RPH3A: variants seen among roughly 807,000 people sequenced by gnomAD.
The protein encoded by RPH3A is rabphilin-3A.
A neutral mutation model predicts 102.2 loss-of-function variants in RPH3A; 48 were observed. The observed-to-expected ratio is 0.47, with a 90% CI of 0.37 to 0.60. The LOEUF (loss-of-function observed/expected upper bound fraction) is 0.60, where lower values mean the gene tolerates loss of function less well. Among genes scored for constraint, RPH3A ranks in the 20% least tolerant of loss-of-function variants. RPH3A has a pLI of 0.00. For missense variants in RPH3A, 781 were observed against 910.1 expected, an observed-to-expected ratio of 0.86 and a Z score of 1.83; for synonymous variants, 310 against 324.3, an observed-to-expected ratio of 0.96 and a Z score of 0.47.
intron 15 of RPH3A, 68 bp downstream of exon 15, chr12:112,881,914 G>A (rs2042921532): frequency 1.5e-6 from 2 of 1,294,972 alleles, no homozygotes; most frequent in South Asian, 1.3e-5. Flanking sequence ...AGGGTTCTCA[G>A]CTCAGAGCCC....
In RPH3A at chr12:112,713,051, C is replaced by CTTCTTCTT. The variant is rs1555204011; in HGVS notation, c.-139-79092_-139-79091insTTCTTCTT. ...TTCTTCTTCTTCTTCTTCTTCTTCT[C>CTTCTTCTT]CTTCTTCTTCTTCTTCTTCTTCTTC... On this transcript the variant is annotated intron_variant, in intron 1 of 21. Transcript: ENST00000543106. 6.3e-3 allele frequency among the ~76,000 whole-genome samples: 544 copies of CTTCTTCTT among 85,830 alleles called. 65 individuals are homozygous for CTTCTTCTT. The highest frequency in any genetic ancestry group is 0.061 in the East Asian group (180 of 2,966). 56.3% of individuals were successfully genotyped at this position (85,830 alleles called of 152,430 possible).
At position 112,628,976 on chromosome 12, in the gene RPH3A, T is replaced by A. The variant is rs138764347; in HGVS notation, c.-140+53657T>A. Reference sequence around the variant, plus strand: ...AGCAGTGGATCGTGTGTATCTTTGCTTGACCCAGTGGGAGAGAACCATTTG... The same window carrying A: ...AGCAGTGGATCGTGTGTATCTTTGCATGACCCAGTGGGAGAGAACCATTTG... On this transcript the variant is annotated intron_variant, in intron 1 of 21. Coordinates refer to the RPH3A transcript ENST00000543106. 1.2e-3 allele frequency among the ~76,000 whole-genome samples: 180 copies of A among 152,236 alleles called. 1 individual carries two copies. The highest frequency in any genetic ancestry group is 4.0e-3 in the African/African-American group (165 of 41,532).
chr12:112,679,697 A>T (rs2040213379), intron 1 of RPH3A, among the ~76,000 whole-genome samples: 1 of 152,182 alleles, frequency 6.6e-6, no homozygotes, highest in Non-Finnish European at 1.5e-5. Flanking sequence ...AAGTGCTAGG[A>T]TTACAGGCAT....
chr12:112,706,742 C>T (rs1207546838), intron 1 of RPH3A, among the ~76,000 whole-genome samples: 1 of 152,012 alleles, frequency 6.6e-6, no homozygotes, highest in Non-Finnish European at 1.5e-5. Flanking sequence ...ACTGAATGGC[C>T]CCAAATAATA....
At chr12:112,869,001 T>C (rs1031241532) in intron 8 of RPH3A, 6 of 163,168 alleles carry the variant, frequency 3.7e-5, no homozygotes, top group Non-Finnish European at 6.6e-5. Flanking sequence ...TTTGGACTAA[T>C]TAAAAGTGAA....
chr12:112,763,014 G>C (rs915939543), intron 1 of RPH3A, among the ~76,000 whole-genome samples: 1 of 152,200 alleles, frequency 6.6e-6, no homozygotes, highest in African/African-American at 2.4e-5. Context: ...GTACTGAGCA[G>C]ATAAAAACAA....
chr12:112,753,912 T>C (rs940652819), intron 1 of RPH3A, among the ~76,000 whole-genome samples: 1 of 152,138 alleles, frequency 6.6e-6, no homozygotes, highest in Non-Finnish European at 1.5e-5. Context: ...ATGATCTTTA[T>C]ACAGGAGAGG....
intron 1 of RPH3A, among the ~76,000 whole-genome samples, chr12:112,588,857 T>C (rs936905094): frequency 2.0e-5 from 3 of 152,076 alleles, no homozygotes; most frequent in African/African-American, 7.2e-5. Context: ...CAGTGTGACA[T>C]GTGGAGCAGC....
chr12:112,682,351 C>CTTTTTTTTT (rs1314037530), intron 1 of RPH3A, among the ~76,000 whole-genome samples: 5 of 77,678 alleles, frequency 6.4e-5, no homozygotes, highest in African/African-American at 2.3e-4. Context: ...TTTTTTCTTT[C>CTTTTTTTTT]TTTCTTTTTT....
At chr12:112,836,913 T>C (rs890795742) in intron 4 of RPH3A, among the ~76,000 whole-genome samples, 2 of 152,222 alleles carry the variant, frequency 1.3e-5, no homozygotes, top group African/African-American at 4.8e-5. Context: ...GGGCTCTGGA[T>C]TGTTATGTGC....
chr12:112,619,611 T>C lies in RPH3A; in HGVS notation c.-140+44292T>C, dbSNP rs1234610956. On this transcript the variant is annotated intron_variant, in intron 1 of 21. Coordinates refer to the RPH3A transcript ENST00000543106. ...TTCTATGTTAAATATTTTGAGAAAC[T>C]GTGAAATTATTTTTCAAAGCAACTG... Among the ~76,000 whole-genome samples, 3 of 152,248 alleles carry C rather than the reference T, an allele frequency of 2.0e-5. No individual in the cohort carries two copies. In the East Asian group the frequency reaches 5.8e-4, roughly 29 times the overall value.
rs1187981200 is a variant in RPH3A at position 112,887,916 on chromosome 12, T to G, written c.1556T>G (p.Val519Gly). 5.6e-6 allele frequency: 9 copies of G among 1,613,032 alleles called. No homozygotes were observed. The highest frequency in any genetic ancestry group is 1.7e-5 in the Admixed American group (1 of 59,974). Residue 519 changes from valine (V) to glycine (G), a missense_variant, in exon 17 of 22, where the codon GTG becomes GGG. By Grantham distance (109) the Val-to-Gly change is moderately radical. Transcript: ENST00000389385. ...AATTTCAACATCTGCCTGGAGCGAGTGATTCCTGTGAGTGACTTTACCCTG... is the reference window on the plus strand; with the variant it reads ...AATTTCAACATCTGCCTGGAGCGAGGGATTCCTGTGAGTGACTTTACCCTG... Reference protein sequence around the residue: ...RKNFNICLERVIPMKRAGTTG... With the variant: ...RKNFNICLERGIPMKRAGTTG...
intron 1 of RPH3A, among the ~76,000 whole-genome samples, chr12:112,601,146 C>A (rs1054443277): frequency 6.6e-6 from 1 of 152,138 alleles, no homozygotes; most frequent in Non-Finnish European, 1.5e-5. Context: ...GGACACAGAG[C>A]CAAATCGTAT....
Position 112,890,879 on chromosome 12 carries a change from C to A in RPH3A, c.1651C>A (p.Arg551Ser). ...QVERVGDIEE[R>S]GKILVSLMYS... Reference sequence around the variant, plus strand: ...GGAGCGTGTTGGTGACATCGAGGAGCGTGGCAAGATCCTGGTCTCCCTCAT... The same window carrying A: ...GGAGCGTGTTGGTGACATCGAGGAGAGTGGCAAGATCCTGGTCTCCCTCAT... Residue 551 changes from arginine (R) to serine (S), a missense_variant, in exon 19 of 22, where the codon CGT becomes AGT. By Grantham distance (110) the Arg-to-Ser change is moderately radical (BLOSUM62 -1). Transcript: ENST00000389385. 6.2e-7 allele frequency: 1 copy of A among 1,613,946 alleles called. No individual in the cohort carries two copies. Among genetic ancestry groups the A allele is most frequent in the Non-Finnish European group, 8.5e-7 (1 of 1,179,924 alleles).
chr12:112,896,884 C>A lies in RPH3A; in HGVS notation c.*104C>A. The A allele has an allele frequency of 1.6e-6, 2 of 1,281,964 alleles. No individual in the cohort carries two copies. The highest frequency in any genetic ancestry group is 1.1e-6 in the Non-Finnish European group (1 of 916,416). 79.4% of individuals were successfully genotyped at this position (1,281,964 alleles called of 1,614,324 possible). ...TTCTCTATGCCTACCTCCCCCCATACCCTGCTGATCTCCCTGAGCCTGCCT... is the reference window on the plus strand; with the variant it reads ...TTCTCTATGCCTACCTCCCCCCATAACCTGCTGATCTCCCTGAGCCTGCCT... On this transcript the variant is annotated 3_prime_UTR_variant, in exon 22 of 22. Coordinates refer to ENST00000389385, the MANE Select transcript of RPH3A (RefSeq NM_001143854.2).
At chr12:112,831,516 T>G (rs866048243) in intron 3 of RPH3A, among the ~76,000 whole-genome samples, 1 of 152,126 alleles carries the variant, frequency 6.6e-6, no homozygotes, top group African/African-American at 2.4e-5. Context: ...GTTTAATCCT[T>G]TATTTAACTC....
chr12:112,622,623 G>A lies in RPH3A; in HGVS notation c.-140+47304G>A, dbSNP rs1038381567. Among the ~76,000 whole-genome samples the A allele has an allele frequency of 4.8e-4, 73 of 151,150 alleles. 1 individual carries two copies. The highest frequency in any genetic ancestry group is 1.8e-3 in the African/African-American group (73 of 41,310). On this transcript the variant is annotated intron_variant, in intron 1 of 21. Coordinates refer to the RPH3A transcript ENST00000543106. ...TGATGTGGAGAATGGAACCAAGTTG[G>A]AAAACACTCTGCAGGATATTATCCA...
intron 1 of RPH3A, among the ~76,000 whole-genome samples, chr12:112,723,759 C>T (rs2040567436): frequency 6.6e-6 from 1 of 152,204 alleles, no homozygotes; most frequent in Non-Finnish European, 1.5e-5. Context: ...ACTCTCAACA[C>T]TTGAGCTCAC....
chr12:112,836,309 A>G (rs973516884), intron 3 of RPH3A, among the ~76,000 whole-genome samples, 182 bp from the exon 4 acceptor site: 1 of 152,226 alleles, frequency 6.6e-6, no homozygotes, highest in South Asian at 2.1e-4. Context: ...TCATAATGCT[A>G]TGTTGAAGCA....
Sources: allele counts gnomAD v4.1 joint callset (sites outside exome capture counted in the v4.1 genomes callset), GRCh38; gene constraint gnomAD v4.1.1; transcripts MANE v1.5; gene names NCBI Gene and HGNC (gene_info 2026-07-23, HGNC 2026-07-21).